COL22A1: variants seen among roughly 807,000 people sequenced by gnomAD.
The protein encoded by COL22A1 is collagen alpha-1(XXII) chain.
COL22A1 carries 221 observed loss-of-function variants against 248.9 expected under a neutral mutation model. The ratio of observed to expected loss-of-function variants is 0.89; its 90% CI spans 0.80 to 0.99. The LOEUF is 0.99. COL22A1 is among the 50% of genes least tolerant of loss of function. The probability of loss-of-function intolerance (pLI) is 0.00; values close to 1 mark genes in which losing one functional copy is unlikely to be tolerated. For synonymous variants in COL22A1, 891 were observed against 793.4 expected, an observed-to-expected ratio of 1.12 and a Z score of -2.07; for missense variants, 2,240 against 2,179.0, an observed-to-expected ratio of 1.03 and a Z score of -0.56.
chr8:138,735,321 T>C (rs1831022487), intron 23 of COL22A1, among the ~76,000 whole-genome samples: 1 of 152,190 alleles, frequency 6.6e-6, no homozygotes, highest in Non-Finnish European at 1.5e-5. Flanking sequence ...TATTGCCTGG[T>C]TCTGAACCAC....
At chr8:138,605,153 C>T (rs1374711675) in intron 58 of COL22A1, among the ~76,000 whole-genome samples, 1 of 152,208 alleles carries the variant, frequency 6.6e-6, no homozygotes, top group African/African-American at 2.4e-5. Context: ...ATTCTTGGCT[C>T]CTCCACTGTT....
intron 31 of COL22A1, among the ~76,000 whole-genome samples, chr8:138,702,669 G>T (rs1469943440): frequency 1.3e-5 from 2 of 151,596 alleles, no homozygotes; most frequent in African/African-American, 2.4e-5. Flanking sequence ...TTGGGAGTAA[G>T]ATAAATAATA....
At chr8:138,786,223 T>G (rs1189635403) in intron 12 of COL22A1, among the ~76,000 whole-genome samples, 2 of 152,242 alleles carry the variant, frequency 1.3e-5, no homozygotes, top group African/African-American at 4.8e-5. Flanking sequence ...TCAGCTTTGT[T>G]CAGGGATGTG....
chr8:138,615,092 A>G (rs1384148322), intron 55 of COL22A1, among the ~76,000 whole-genome samples: 1 of 152,170 alleles, frequency 6.6e-6, no homozygotes, highest in African/African-American at 2.4e-5. Context: ...CCACATGCAA[A>G]GGGCTGGTCC....
At chr8:138,716,165 G>T in intron 29 of COL22A1, 62 bp downstream of exon 29, 1 of 1,282,274 alleles carries the variant, frequency 7.8e-7, no homozygotes, top group South Asian at 1.3e-5. Flanking sequence ...CTCCACAGGG[G>T]GCTGCTCTCT....
intron 63 of COL22A1, 82 bp from the exon 64 acceptor site, chr8:138,591,583 AG>A: frequency 2.6e-6 from 3 of 1,134,848 alleles, no homozygotes; most frequent in Non-Finnish European, 2.4e-6. Context: ...CGGGAGGTGC[AG>A]GGGCAGCACT....
intron 37 of COL22A1, among the ~76,000 whole-genome samples, chr8:138,685,789 C>A (rs1404792895): frequency 6.6e-6 from 1 of 152,166 alleles, no homozygotes; most frequent in African/African-American, 2.4e-5. Flanking sequence ...GACTTCCAGC[C>A]TCCAAAACTG....
chr8:138,618,990 G>A (rs1029294978), intron 53 of COL22A1, among the ~76,000 whole-genome samples: 1 of 151,968 alleles, frequency 6.6e-6, no homozygotes, highest in Non-Finnish European at 1.5e-5. Context: ...TTACTTCTTT[G>A]TTATAGAATT....
chr8:138,762,546 G>A (rs1002557637), intron 16 of COL22A1, 80 bp from the exon 17 acceptor site: 39 of 1,355,310 alleles, frequency 2.9e-5, no homozygotes, highest in Non-Finnish European at 3.6e-5. Context: ...CACAGTGACC[G>A]TCATGGACAA....
chr8:138,681,170 A>C (rs1470867837), intron 39 of COL22A1, among the ~76,000 whole-genome samples: 1 of 152,182 alleles, frequency 6.6e-6, no homozygotes, highest in Admixed American at 6.5e-5. Context: ...GGTCTAAAGC[A>C]GACCCCACAG....
chr8:138,814,269 ACCACCC>A (rs1818493364), intron 7 of COL22A1, among the ~76,000 whole-genome samples: 1 of 152,212 alleles, frequency 6.6e-6, no homozygotes, highest in East Asian at 1.9e-4. Flanking sequence ...TCTCCCAGTC[ACCACCC>A]AGAGCCATAT....
At chr8:138,591,958 C>CT (rs1817101717) in intron 63 of COL22A1, among the ~76,000 whole-genome samples, 1 of 152,190 alleles carries the variant, frequency 6.6e-6, no homozygotes, top group Non-Finnish European at 1.5e-5. Flanking sequence ...TCTTATATGT[C>CT]TATGCTTCCT....
At chr8:138,887,223 C>T (rs1036575160) in intron 1 of COL22A1, among the ~76,000 whole-genome samples, 57 of 151,410 alleles carry the variant, frequency 3.8e-4, no homozygotes, top group African/African-American at 1.3e-3. Context: ...ACTGTGGTCT[C>T]TCATTGTTTT....
chr8:138,786,099 G>C (rs1586741585), intron 12 of COL22A1, among the ~76,000 whole-genome samples: 5 of 152,116 alleles, frequency 3.3e-5, no homozygotes, highest in Admixed American at 3.3e-4. Flanking sequence ...TCTGAGTCTT[G>C]GTCTTCATTT....
intron 51 of COL22A1, 55 bp from the exon 52 acceptor site, chr8:138,623,840 A>T (rs1820030318): frequency 2.0e-6 from 3 of 1,523,254 alleles, no homozygotes; most frequent in East Asian, 2.3e-5. Flanking sequence ...AGGGGATGGA[A>T]AGACGAAGGC....
intron 30 of COL22A1, among the ~76,000 whole-genome samples, chr8:138,705,093 A>G (rs1452195773): frequency 6.6e-6 from 1 of 152,228 alleles, no homozygotes; most frequent in Non-Finnish European, 1.5e-5. Flanking sequence ...AAAAGAGTAA[A>G]GACAAATGAA....
chr8:138,746,060 T>A (rs1389772128), intron 22 of COL22A1, among the ~76,000 whole-genome samples: 2 of 152,224 alleles, frequency 1.3e-5, no homozygotes, highest in Non-Finnish European at 2.9e-5. Flanking sequence ...GCGTGGAGCG[T>A]GCCTCGCTCT....
At chr8:138,618,076 G>A (rs1406949427) in intron 53 of COL22A1, among the ~76,000 whole-genome samples, 2 of 152,180 alleles carry the variant, frequency 1.3e-5, no homozygotes, top group Non-Finnish European at 2.9e-5. Flanking sequence ...CCAACTGAGA[G>A]AGTGCCTGTC....
chr8:138,616,812 G>A lies in COL22A1; in HGVS notation c.3870+102C>T, dbSNP rs577108454. ...GCTGGTGTGCTCCACGTCCTCTCTCGGGTAAGGCACTGCCATGGCCTGCAG... is the reference window on the plus strand; with the variant it reads ...GCTGGTGTGCTCCACGTCCTCTCTCAGGTAAGGCACTGCCATGGCCTGCAG... On this transcript the variant is annotated intron_variant, in intron 54 of 64. Transcript: ENST00000303045. 263 of 1,353,898 alleles carry A rather than the reference G, an allele frequency of 1.9e-4. No individual in the cohort carries two copies. In the African/African-American group the frequency reaches 2.9e-3, roughly 15 times the overall value. The allele number at this position is 1,353,898 out of a possible 1,614,324, so 83.9% of individuals were successfully genotyped here.
Sources: allele counts gnomAD v4.1 joint callset (sites outside exome capture counted in the v4.1 genomes callset), GRCh38; gene constraint gnomAD v4.1.1; transcripts MANE v1.5; gene names NCBI Gene and HGNC (gene_info 2026-07-23, HGNC 2026-07-21).